The following GALNS variants were observed in gnomAD, a reference collection of about 807,000 sequenced individuals.
GALNS encodes N-acetylgalactosamine-6-sulfatase.
GALNS carries 65 observed loss-of-function variants against 65.9 expected under a neutral mutation model. That is an observed-to-expected ratio of 0.99 (90% CI 0.81 to 1.21). The LOEUF (loss-of-function observed/expected upper bound fraction) is 1.21. GALNS is among the 50% of genes most tolerant of loss of function. The pLI is 0.00. For missense variants in GALNS, 776 were observed against 700.7 expected (o/e 1.11, Z -1.21); for synonymous variants, 346 against 288.9 (o/e 1.20, Z -2.00).
chr16:88,851,011 C>CCTTCTGA (rs1967484220), intron 1 of GALNS, among the ~76,000 whole-genome samples: 2 of 152,364 alleles, frequency 1.3e-5, no homozygotes, highest in Admixed American at 1.3e-4. Flanking sequence ...AGGGCAACGT[C>CCTTCTGA]CCACACGTGG....
At chr16:88,816,737 G>A (rs1040163989) in intron 13 of GALNS, 2 of 985,336 alleles carry the variant, frequency 2.0e-6, no homozygotes, top group Non-Finnish European at 2.4e-6. Context: ...CCACGGCACG[G>A]CGGGCACCCA....
At chr16:88,822,274 G>A (rs949682451) in intron 12 of GALNS, among the ~76,000 whole-genome samples, 1 of 152,182 alleles carries the variant, frequency 6.6e-6, no homozygotes, top group African/African-American at 2.4e-5. Context: ...CCTCCTACTT[G>A]CCCCAGGGCC....
chr16:88,827,201 C>T, intron 9 of GALNS: 1 of 327,250 alleles, frequency 3.1e-6, no homozygotes. Context: ...CACTGTGAGC[C>T]CTGCCCCTTA....
chr16:88,853,770 T>C (rs116211768), intron 1 of GALNS, among the ~76,000 whole-genome samples: 5,803 of 152,212 alleles, frequency 0.038, 371 homozygotes, highest in African/African-American at 0.13. Context: ...CGCTGGACCG[T>C]GGGTCAGTGA....
intron 4 of GALNS, among the ~76,000 whole-genome samples, chr16:88,838,391 G>GAC (rs1433159660): frequency 6.6e-6 from 1 of 152,142 alleles, no homozygotes; most frequent in Non-Finnish European, 1.5e-5. Flanking sequence ...AAGAGAACGT[G>GAC]ACAGTGTGGC....
Position 88,825,376 on chromosome 16 carries a change from G to T in GALNS, c.1140-507C>A, listed in dbSNP as rs1295727429. ...TGTCTGGGCAACCGGGGCTGGGGTG[G>T]CTGGGTGTCTGGGTGGCCGGGGCTG... On this transcript the variant is annotated intron_variant, in intron 10 of 13. Transcript: ENST00000268695. 2.3e-4 allele frequency among the ~76,000 whole-genome samples: 24 copies of T among 105,804 alleles called. 1 individual carries two copies. Among genetic ancestry groups the T allele is most frequent in the Non-Finnish European group, 4.2e-4 (22 of 52,884 alleles). 69.4% of individuals were successfully genotyped at this position (105,804 alleles called of 152,430 possible).
intron 7 of GALNS, among the ~76,000 whole-genome samples, 183 bp from the exon 8 acceptor site, chr16:88,835,535 G>C (rs1421317383): frequency 6.6e-6 from 1 of 152,188 alleles, no homozygotes; most frequent in Non-Finnish European, 1.5e-5. Flanking sequence ...GGCTTATGAA[G>C]GACAGAGCCA....
At chr16:88,850,247 G>A (rs916335987) in intron 1 of GALNS, among the ~76,000 whole-genome samples, 2 of 152,164 alleles carry the variant, frequency 1.3e-5, no homozygotes, top group Non-Finnish European at 2.9e-5. Flanking sequence ...CTTCGGGCTG[G>A]GAGTGAGGCC....
chr16:88,828,823 T>C (rs940245834), intron 9 of GALNS, among the ~76,000 whole-genome samples: 4 of 152,164 alleles, frequency 2.6e-5, no homozygotes, highest in Non-Finnish European at 4.4e-5. Context: ...CCTCACCTTT[T>C]CCAGGCTGCT....
At chr16:88,822,995 G>A (rs1334398545) in intron 11 of GALNS, among the ~76,000 whole-genome samples, 1 of 152,194 alleles carries the variant, frequency 6.6e-6, no homozygotes, top group African/African-American at 2.4e-5. Context: ...CCCGAGATGC[G>A]TAGCTGGCAT....
intron 1 of GALNS, chr16:88,845,123 G>C (rs970518416): frequency 6.6e-6 from 1 of 152,094 alleles, no homozygotes; most frequent in Non-Finnish European, 1.5e-5. Flanking sequence ...CGAGGCGGGC[G>C]GATCACCAGG....
chr16:88,839,171 C>T lies in GALNS; in HGVS notation c.423-1406G>A, dbSNP rs1471194182. ...TCGTGCGCCCACGTCCGCTGGTCAC[C>T]GCCCGGCCACAGGGGACACTCGTGC... is the stretch of plus-strand genomic sequence containing the variant. On this transcript the variant is annotated intron_variant, in intron 4 of 13. Transcript: ENST00000268695. 2.7e-5 allele frequency among the ~76,000 whole-genome samples: 4 copies of T among 147,526 alleles called. No individual in the cohort carries two copies. In the South Asian group the frequency reaches 8.6e-4, roughly 32 times the overall value.
chr16:88,816,799 GC>G (rs1909674190), intron 13 of GALNS: 1 of 985,372 alleles, frequency 1.0e-6, no homozygotes, highest in Admixed American at 6.1e-5. Flanking sequence ...CTTCAGCTGG[GC>G]CTTTTCGCCC....
At chr16:88,837,884 A>AGTAT (rs1195182349) in intron 4 of GALNS, 119 bp from the exon 5 acceptor site, 1 of 1,048,838 alleles carries the variant, frequency 9.5e-7, no homozygotes, top group Admixed American at 1.9e-5. Flanking sequence ...TCCAGCACTG[A>AGTAT]GTATGGGCTA....
At position 88,847,079 on chromosome 16, in the gene GALNS, G is replaced by A. The variant is rs111662686; in HGVS notation, c.121-4250C>T. Among the ~76,000 whole-genome samples the A allele has an allele frequency of 3.6e-3, 551 of 152,290 alleles. 2 individuals carry two copies. The highest frequency in any genetic ancestry group is 0.012 in the African/African-American group (516 of 41,548). ...GTCTGGCAGCCAAAGCCTTCAGGAG[G>A]AACGCAAACAGCTCCACCCGCAGCT... On this transcript the variant is annotated intron_variant, in intron 1 of 13. Transcript: ENST00000268695.
intron 12 of GALNS, among the ~76,000 whole-genome samples, chr16:88,820,557 C>G (rs1474797929): frequency 6.6e-6 from 1 of 152,230 alleles, no homozygotes; most frequent in Non-Finnish European, 1.5e-5. Context: ...AAAGGCATGG[C>G]CGACAGCTGG....
At chr16:88,832,463 G>T (rs1425021975) in intron 8 of GALNS, among the ~76,000 whole-genome samples, 1 of 152,160 alleles carries the variant, frequency 6.6e-6, no homozygotes, top group Non-Finnish European at 1.5e-5. Flanking sequence ...CCGGTGTTTG[G>T]GGTACTTAAA....
At chr16:88,826,263 C>T (rs577367264) in intron 10 of GALNS, among the ~76,000 whole-genome samples, 3 of 141,518 alleles carry the variant, frequency 2.1e-5, no homozygotes, top group East Asian at 4.2e-4. Context: ...GTGGCATGTG[C>T]CCGGGCTGCA....
intron 1 of GALNS, chr16:88,856,026 G>T: frequency 1.6e-6 from 1 of 610,204 alleles, no homozygotes; most frequent in Non-Finnish European, 2.9e-6. Context: ...TTCAACCCAG[G>T]TGTGTCTGGG....
Sources: allele counts gnomAD v4.1 joint callset (sites outside exome capture counted in the v4.1 genomes callset), GRCh38; gene constraint gnomAD v4.1.1; transcripts MANE v1.5; gene names NCBI Gene and HGNC (gene_info 2026-07-23, HGNC 2026-07-21).